The following RNF20 variants were observed in gnomAD, a reference collection of about 807,000 sequenced individuals.
RNF20 encodes the protein ring finger protein 20.
RNF20 carries 84 observed loss-of-function variants against 126.2 expected under a neutral mutation model. The ratio of observed to expected loss-of-function variants is 0.67; its 90% CI spans 0.56 to 0.80. The LOEUF (loss-of-function observed/expected upper bound fraction) is 0.80. Among genes scored for constraint, RNF20 ranks in the 30% least tolerant of loss-of-function variants. The probability of loss-of-function intolerance (pLI) is 0.00; values close to 1 mark genes in which losing one functional copy is unlikely to be tolerated. For synonymous variants in RNF20, 400 were observed against 414.3 expected, an observed-to-expected ratio of 0.97 and a Z score of 0.42; for missense variants, 869 against 1,188.2, an observed-to-expected ratio of 0.73 and a Z score of 3.95.
intron 5 of RNF20, among the ~76,000 whole-genome samples, chr9:101,544,022 A>T (rs1269782840): frequency 6.6e-6 from 1 of 151,598 alleles, no homozygotes; most frequent in Non-Finnish European, 1.5e-5. Flanking sequence ...TGATATGAGA[A>T]AGCATATTTT....
At chr9:101,544,970 C>A in intron 6 of RNF20, 85 bp downstream of exon 6, 1 of 851,950 alleles carries the variant, frequency 1.2e-6, no homozygotes, top group Non-Finnish European at 2.0e-6. Flanking sequence ...CAAAGATTAC[C>A]TTACTCTAGA....
rs150930643 is a variant in RNF20, at chr9:101,543,484, G to A, written c.629-1283G>A. 5.1e-3 allele frequency among the ~76,000 whole-genome samples: 736 copies of A among 143,472 alleles called. 7 individuals are homozygous for A. The highest frequency in any genetic ancestry group is 9.3e-3 in the South Asian group (42 of 4,500). The allele number at this position is 143,472 out of a possible 152,430, so 94.1% of individuals were successfully genotyped here. Reference sequence around the variant, plus strand: ...TGCCAAGGCAGCACTGTCTAACCCTGCCAGGGTGGCACTGTCTAACCCTGC... The same window carrying A: ...TGCCAAGGCAGCACTGTCTAACCCTACCAGGGTGGCACTGTCTAACCCTGC... On this transcript the variant is annotated intron_variant, in intron 5 of 19. Transcript: ENST00000389120.
Position 101,541,094 on chromosome 9 carries a change from T to A in RNF20, c.628+119T>A. The A allele has an allele frequency of 4.2e-6, 3 of 722,014 alleles. No homozygotes were observed. In the South Asian group the frequency reaches 1.1e-4, roughly 27 times the overall value. The allele number at this position is 722,014 out of a possible 1,614,324, so 44.7% of individuals were successfully genotyped here. On this transcript the variant is annotated intron_variant, in intron 5 of 19. Coordinates refer to ENST00000389120, the MANE Select transcript of RNF20 (RefSeq NM_019592.7). ...TTTTATTTATTTATTATTTACTTTT[T>A]AAGAGATAAGGTTTCACTGTGTCAC...
At position 101,546,838 on chromosome 9, in the gene RNF20, A is replaced by G; in HGVS notation, c.766A>G (p.Lys256Glu). Residue 256 changes from lysine (K) to glutamate (E), a missense_variant, in exon 7 of 20, where the codon AAA becomes GAA. By Grantham distance (56) the Lys-to-Glu change is moderately conservative. This residue lies in a region of RNF20 where 103 missense variants were observed against 94.3 expected (regional missense o/e 1.09). Coordinates refer to ENST00000389120, the MANE Select transcript of RNF20 (RefSeq NM_019592.7). ...MSQEFSKLQS[K>E]VETAESRVSV... ...GATGTAGTTCTCCAAGTTGCAGAGT[A>G]AAGTGGAGACAGCCGAATCACGAGT... 6.2e-7 allele frequency: 1 copy of G among 1,614,156 alleles called. No individual in the cohort carries two copies.
chr9:101,535,158 C>T (rs1462728049), intron 1 of RNF20, among the ~76,000 whole-genome samples: 2 of 151,932 alleles, frequency 1.3e-5, no homozygotes, highest in East Asian at 1.9e-4. Flanking sequence ...CCGCCCGCCT[C>T]GGCCTCCCAA....
At chr9:101,561,545 T>C (rs1311051175) in intron 18 of RNF20, 4 of 407,150 alleles carry the variant, frequency 9.8e-6, no homozygotes, top group Non-Finnish European at 1.8e-5. Context: ...TCATGCTAGC[T>C]GTTTCTCATG....
rs545543095 is a variant in RNF20, at chr9:101,557,598, T to C, written c.2382+2T>C. ...CAGGTGTTGACTCTGAAGACTCAGGTAATTAGGATGAGTAGAGCTTTCTAT... is the reference window on the plus strand; with the variant it reads ...CAGGTGTTGACTCTGAAGACTCAGGCAATTAGGATGAGTAGAGCTTTCTAT... On this transcript the variant is annotated splice_donor_variant, in intron 16 of 19. Transcript: ENST00000389120. LOFTEE classifies it high-confidence loss of function. 6.2e-7 allele frequency: 1 copy of C among 1,602,550 alleles called. No individual in the cohort carries two copies. The highest frequency in any genetic ancestry group is 1.7e-5 in the Admixed American group (1 of 59,986).
At chr9:101,538,757 A>G (rs1254930697) in intron 2 of RNF20, among the ~76,000 whole-genome samples, 2 of 152,354 alleles carry the variant, frequency 1.3e-5, no homozygotes, top group Middle Eastern at 3.4e-3. Flanking sequence ...TGGAAAAGAG[A>G]AAAATGAAAC....
At chr9:101,535,352 C>T in intron 1 of RNF20, 46 bp from the exon 2 acceptor site, 2 of 1,505,446 alleles carry the variant, frequency 1.3e-6, no homozygotes, top group Non-Finnish European at 9.0e-7. Flanking sequence ...TCTATTGTTG[C>T]TTTGCTTACA....
At chr9:101,546,477 A>G (rs982969835) in intron 6 of RNF20, among the ~76,000 whole-genome samples, 1 of 152,190 alleles carries the variant, frequency 6.6e-6, no homozygotes, top group African/African-American at 2.4e-5. Flanking sequence ...TACAAAACAA[A>G]AGATACTATT....
At position 101,560,863 on chromosome 9, in the gene RNF20, C is replaced by T; in HGVS notation, c.2445C>T (p.Asn815=). The T allele has an allele frequency of 6.2e-7, 1 of 1,613,540 alleles. No individual in the cohort carries two copies. The highest frequency in any genetic ancestry group is 8.5e-7 in the Non-Finnish European group (1 of 1,179,664). ...AGAAGGAGCATCTGTTACAGAGCAACATTGGCACAGGGGAGAAAGAGCTGG... is the reference window on the plus strand; with the variant it reads ...AGAAGGAGCATCTGTTACAGAGCAATATTGGCACAGGGGAGAAAGAGCTGG... ...LEEKEHLLQS[N]IGTGEKELGL... The change falls in exon 17 of 20, where the codon AAC becomes AAT. Residue 815 remains asparagine, a synonymous_variant. Coordinates refer to ENST00000389120, the MANE Select transcript of RNF20 (RefSeq NM_019592.7).
rs777635579 is a variant in RNF20 at position 101,546,812 on chromosome 9, G to A, written c.748-8G>A. 1 of 1,613,688 alleles carries A rather than the reference G, an allele frequency of 6.2e-7. No homozygotes were observed. The highest frequency in any genetic ancestry group is 8.5e-7 in the Non-Finnish European group (1 of 1,179,746). On this transcript the variant is annotated splice_polypyrimidine_tract_variant and splice_region_variant and intron_variant, in intron 6 of 19. Coordinates refer to ENST00000389120, the MANE Select transcript of RNF20 (RefSeq NM_019592.7). The stretch of plus-strand genomic sequence containing the variant: ...ATATGTTTCTGAATGTTTGTCTTTG[G>A]GATGTAGTTCTCCAAGTTGCAGAGT...
At chr9:101,547,008 G>A (rs1018525422) in intron 7 of RNF20, 42 bp downstream of exon 7, 2 of 1,612,060 alleles carry the variant, frequency 1.2e-6, no homozygotes, top group African/African-American at 1.3e-5. Flanking sequence ...ATCATTTTAA[G>A]GAGTGTTCTC....
In RNF20 at chr9:101,561,176, C is replaced by T. The variant is rs767788496; in HGVS notation, c.2595C>T (p.Ile865=). 1.1e-5 allele frequency: 17 copies of T among 1,613,714 alleles called. No homozygotes were observed. Among genetic ancestry groups the T allele is most frequent in the South Asian group, 2.2e-5 (2 of 91,072 alleles). Residue 865 remains isoleucine, a synonymous_variant, in exon 18 of 20, where the codon ATC becomes ATT. Coordinates refer to ENST00000389120, the MANE Select transcript of RNF20 (RefSeq NM_019592.7). ...QKKLHDFQDE[I]VENSVTKEKD... ...AGCTACATGATTTTCAGGATGAGAT[C>T]GTGGAGAACAGTGTTACCAAAGAAA...
In RNF20 at chr9:101,552,546, A is replaced by T. The variant is rs748476054; in HGVS notation, c.1694A>T (p.Asp565Val). ...GCCAATGAAATCAAGTCTAAACGGGATGAAGAAGAACGAGAACGAGAAAGG... is the reference window on the plus strand; with the variant it reads ...GCCAATGAAATCAAGTCTAAACGGGTTGAAGAAGAACGAGAACGAGAAAGG... Reference protein sequence around the residue: ...EDANEIKSKRDEEERERERRE... With the variant: ...EDANEIKSKRVEEERERERRE... The change falls in exon 13 of 20, where the codon GAT becomes GTT. Residue 565 changes from aspartate to valine, a missense_variant. By Grantham distance (152) the Asp-to-Val change is radical. Coordinates refer to ENST00000389120, the MANE Select transcript of RNF20 (RefSeq NM_019592.7). 3 of 1,613,680 alleles carry T rather than the reference A, an allele frequency of 1.9e-6. No homozygotes were observed. The highest frequency in any genetic ancestry group is 2.5e-6 in the Non-Finnish European group (3 of 1,179,756).
intron 6 of RNF20, among the ~76,000 whole-genome samples, chr9:101,545,793 A>G (rs1827336785): frequency 6.6e-6 from 1 of 152,144 alleles, no homozygotes; most frequent in African/African-American, 2.4e-5. Context: ...CAAGATGGAG[A>G]GGTCTTCCTT....
intron 14 of RNF20, 50 bp from the exon 15 acceptor site, chr9:101,554,644 G>T: frequency 6.5e-7 from 1 of 1,532,448 alleles, no homozygotes. Flanking sequence ...ATTGATTTTT[G>T]AAAATGTGTT....
chr9:101,547,353 T>G, intron 8 of RNF20, 46 bp from the exon 9 acceptor site: 1 of 1,611,300 alleles, frequency 6.2e-7, no homozygotes, highest in Non-Finnish European at 8.5e-7. Context: ...TAGAAATGAT[T>G]TAAGAAGAAT....
intron 2 of RNF20, 170 bp from the exon 3 acceptor site, chr9:101,540,033 C>A: frequency 1.6e-6 from 1 of 633,820 alleles, no homozygotes; most frequent in Non-Finnish European, 2.7e-6. Context: ...CCATCATATA[C>A]CTGTTGTTTA....
Sources: allele counts gnomAD v4.1 joint callset (sites outside exome capture counted in the v4.1 genomes callset), GRCh38; gene constraint gnomAD v4.1.1; regional missense constraint gnomAD v4.1.1; transcripts MANE v1.5; gene names NCBI Gene and HGNC (gene_info 2026-07-23, HGNC 2026-07-21).